Variants in CDH18 observed in about 807,000 individuals in gnomAD.
CDH18 encodes cadherin-18.
CDH18 carries 31 observed loss-of-function variants against 67.9 expected under a neutral mutation model. The observed-to-expected ratio is 0.46, with a 90% CI of 0.34 to 0.62. The LOEUF (loss-of-function observed/expected upper bound fraction) is 0.62, where lower values mean the gene tolerates loss of function less well. Ranked by LOEUF, CDH18 falls within the 20% of genes least tolerant of loss-of-function variation. The pLI is 0.01. For missense variants in CDH18, 890 were observed against 975.5 expected (o/e 0.91, Z 1.17); for synonymous variants, 362 against 347.2 (o/e 1.04, Z -0.48).
intron 1 of CDH18, among the ~76,000 whole-genome samples, chr5:20,566,360 CTTTTTTTTT>C (rs529048391): frequency 8.4e-6 from 1 of 119,268 alleles, no homozygotes; most frequent in African/African-American, 3.4e-5. Flanking sequence ...TTTTCTTTTT[CTTTTTTTTT>C]TTTTTTTTTG....
intron 2 of CDH18, among the ~76,000 whole-genome samples, chr5:20,108,265 T>A (rs1747149964): frequency 6.6e-6 from 1 of 151,920 alleles, no homozygotes; most frequent in Non-Finnish European, 1.5e-5. Context: ...TATTTTTTTT[T>A]ATTTTTAGTA....
At chr5:20,250,848 C>T (rs923849123) in intron 2 of CDH18, among the ~76,000 whole-genome samples, 3 of 151,982 alleles carry the variant, frequency 2.0e-5, no homozygotes, top group Admixed American at 2.0e-4. Context: ...TCAAGTGATC[C>T]GCCCGCCTTG....
chr5:20,408,775 C>T (rs1746517919), intron 1 of CDH18, among the ~76,000 whole-genome samples: 1 of 151,600 alleles, frequency 6.6e-6, no homozygotes, highest in Non-Finnish European at 1.5e-5. Context: ...GAAAGACACA[C>T]CAATAAAACA....
intron 11 of CDH18, among the ~76,000 whole-genome samples, chr5:19,495,739 A>AAAAG (rs758162813): frequency 1.4e-4 from 20 of 142,026 alleles, no homozygotes; most frequent in South Asian, 6.6e-4. Context: ...AAAAAAAAAA[A>AAAAG]AAAGAAAGAA....
intron 1 of CDH18, among the ~76,000 whole-genome samples, chr5:20,555,557 G>C (rs1757862106): frequency 1.3e-5 from 2 of 150,920 alleles, no homozygotes; most frequent in Non-Finnish European, 3.0e-5. Flanking sequence ...TGATTCTCCT[G>C]CCTCAGCCTC....
intron 2 of CDH18, among the ~76,000 whole-genome samples, chr5:20,063,088 C>A (rs1420746501): frequency 6.8e-6 from 1 of 147,352 alleles, no homozygotes; most frequent in Non-Finnish European, 1.5e-5. Context: ...TGTCTTTGAT[C>A]AAATACTTTT....
At chr5:19,909,300 CTTTT>C (rs11352062) in intron 2 of CDH18, among the ~76,000 whole-genome samples, 6 of 130,430 alleles carry the variant, frequency 4.6e-5, no homozygotes, top group Admixed American at 1.6e-4. Flanking sequence ...GTTTCCTTCA[CTTTT>C]TTTTTTTTTT....
chr5:19,669,738 C>T (rs1366102158), intron 5 of CDH18, among the ~76,000 whole-genome samples: 4 of 152,092 alleles, frequency 2.6e-5, no homozygotes, highest in Admixed American at 1.3e-4. Context: ...ACAAGAAGGG[C>T]AAGGAAATAC....
At chr5:20,272,645 T>C (rs1284512922) in intron 1 of CDH18, among the ~76,000 whole-genome samples, 1 of 152,046 alleles carries the variant, frequency 6.6e-6, no homozygotes, top group African/African-American at 2.4e-5. Flanking sequence ...TGAAGCTAAA[T>C]GTAAAATATT....
rs1260016130 is a variant in CDH18 at position 19,849,590 on chromosome 5, ATATATAAACATATATATACAC to A, written c.-256-10369_-256-10349del. ...ATACAAATTAGCATTTCAAACATAT[ATATATAAACATATATATACAC>A]GCATATATATATAAACATATATATA... is the stretch of plus-strand genomic sequence containing the variant. On this transcript the variant is annotated intron_variant, in intron 2 of 12. Transcript: ENST00000382275. Among the ~76,000 whole-genome samples, 510 of 115,510 alleles carry A rather than the reference ATATATAAACATATATATACAC, an allele frequency of 4.4e-3. 13 individuals are homozygous for A. The highest frequency in any genetic ancestry group is 8.8e-3 in the Middle Eastern group (2 of 226). 75.8% of individuals were successfully genotyped at this position (115,510 alleles called of 152,430 possible).
chr5:19,842,499 A>T lies in CDH18; in HGVS notation c.-256-3257T>A, dbSNP rs190284205. Among the ~76,000 whole-genome samples the T allele has an allele frequency of 2.6e-5, 4 of 152,304 alleles. No homozygotes were observed. In the East Asian group the frequency reaches 7.7e-4, roughly 29 times the overall value. On this transcript the variant is annotated intron_variant, in intron 2 of 12. Coordinates refer to ENST00000382275, the MANE Select transcript of CDH18 (RefSeq NM_004934.5). ...CATGTTTGCTTCCCATTTTGCCATG[A>T]CTGTAAGTTTCCTGAGGCCTCCCCA...
chr5:20,257,533 A>G (rs1744342230), intron 1 of CDH18, among the ~76,000 whole-genome samples: 1 of 152,104 alleles, frequency 6.6e-6, no homozygotes, highest in Non-Finnish European at 1.5e-5. Flanking sequence ...ATAGAGCCCA[A>G]TGCACAGCTC....
chr5:20,463,840 C>T (rs1561028954), intron 1 of CDH18, among the ~76,000 whole-genome samples: 2 of 152,108 alleles, frequency 1.3e-5, no homozygotes. Flanking sequence ...AGTTCTCTCT[C>T]TTTTGGATAG....
intron 5 of CDH18, among the ~76,000 whole-genome samples, chr5:19,701,975 A>G (rs1380806420): frequency 6.6e-6 from 1 of 152,064 alleles, no homozygotes; most frequent in East Asian, 1.9e-4. Flanking sequence ...AATGTCTACA[A>G]ATATAATCAT....
intron 1 of CDH18, among the ~76,000 whole-genome samples, chr5:20,570,401 T>C (rs1758746444): frequency 6.6e-6 from 1 of 152,124 alleles, no homozygotes; most frequent in Non-Finnish European, 1.5e-5. Context: ...CCCATTTGCT[T>C]TGCCTGTCGT....
chr5:19,924,404 A>AG (rs1792867206), intron 2 of CDH18, among the ~76,000 whole-genome samples: 1 of 152,094 alleles, frequency 6.6e-6, no homozygotes, highest in Non-Finnish European at 1.5e-5. Context: ...TGGGAGGCTG[A>AG]GGAGGGCAGA....
chr5:20,068,121 T>C (rs968176760), intron 2 of CDH18, among the ~76,000 whole-genome samples: 4 of 152,214 alleles, frequency 2.6e-5, no homozygotes, highest in Admixed American at 2.0e-4. Context: ...GAACATTTAT[T>C]GAATAAAATA....
intron 1 of CDH18, among the ~76,000 whole-genome samples, chr5:20,554,928 A>G (rs1317964709): frequency 6.6e-6 from 1 of 152,146 alleles, no homozygotes; most frequent in Non-Finnish European, 1.5e-5. Context: ...ATGTGAGGAT[A>G]TCTCTCAGCT....
chr5:19,946,533 A>G (rs958808628), intron 2 of CDH18, among the ~76,000 whole-genome samples: 7 of 152,182 alleles, frequency 4.6e-5, no homozygotes, highest in African/African-American at 1.7e-4. Context: ...GAATCCGAAG[A>G]AAATACTTGA....
Sources: gnomAD v4.1 joint callset for allele counts (sites outside exome capture counted in the v4.1 genomes callset) on GRCh38, gnomAD v4.1.1 for gene constraint, MANE v1.5 for transcripts, NCBI Gene and HGNC (gene_info 2026-07-23, HGNC 2026-07-21) for gene names.